Variants in DMD observed in about 807,000 individuals in gnomAD.
The protein encoded by DMD is mutant dystrophin.
DMD carries 63 observed loss-of-function variants against 330.1 expected under a neutral mutation model. The observed-to-expected ratio is 0.19, with a 90% CI of 0.16 to 0.24. DMD has a LOEUF of 0.24. Among genes scored for constraint, DMD ranks in the 10% least tolerant of loss-of-function variants. The probability of loss-of-function intolerance (pLI) is 1.00; values close to 1 mark genes in which losing one functional copy is unlikely to be tolerated. For missense variants in DMD, 3,344 were observed against 2,684.1 expected (o/e 1.25, Z -5.43); for synonymous variants, 1,223 against 959.8 (o/e 1.27, Z -5.07).
At chrX:31,701,733 A>G (rs2083826482) in intron 52 of DMD, among the ~76,000 whole-genome samples, 1 of 112,466 alleles carries the variant, frequency 8.9e-6, no homozygotes, top group South Asian at 3.7e-4. Context: ...AGTGGCTTAC[A>G]CCAGTGCTAC....
At chrX:33,188,440 T>C (rs2050368556) in intron 1 of DMD, among the ~76,000 whole-genome samples, 1 of 110,483 alleles carries the variant, frequency 9.1e-6, no homozygotes, top group Non-Finnish European at 1.9e-5. Context: ...CTATTGTACT[T>C]CCCACAAAGG....
At chrX:32,280,879 T>C (rs148798159) in intron 43 of DMD, among the ~76,000 whole-genome samples, 3 of 112,412 alleles carry the variant, frequency 2.7e-5, no homozygotes, top group Non-Finnish European at 5.6e-5. Context: ...ACAACTGAGA[T>C]AGCAAATTCT....
At chrX:32,783,035 T>C (rs1372860655) in intron 7 of DMD, among the ~76,000 whole-genome samples, 2 of 103,541 alleles carry the variant, frequency 1.9e-5, no homozygotes, top group East Asian at 6.0e-4. Context: ...ATGGTGTGTT[T>C]ATATATATAC....
intron 25 of DMD, among the ~76,000 whole-genome samples, chrX:32,458,295 A>C (rs1281338718): frequency 2.7e-5 from 3 of 111,307 alleles, no homozygotes; most frequent in Non-Finnish European, 5.7e-5. Flanking sequence ...TTAGCATACT[A>C]TCCTCCAAGT....
At chrX:31,826,575 G>C (rs1394500567) in intron 49 of DMD, among the ~76,000 whole-genome samples, 2 of 111,590 alleles carry the variant, frequency 1.8e-5, no homozygotes, top group Non-Finnish European at 3.8e-5. Flanking sequence ...AAATTCATTT[G>C]CATAACAAAA....
At chrX:31,948,677 A>G (rs1213136545) in intron 45 of DMD, among the ~76,000 whole-genome samples, 1 of 111,109 alleles carries the variant, frequency 9.0e-6, no homozygotes, top group African/African-American at 3.3e-5. Flanking sequence ...GGCCATTTCT[A>G]TGTCTTCTTT....
At chrX:31,499,006 G>A (rs1270582381) in intron 56 of DMD, among the ~76,000 whole-genome samples, 1 of 111,739 alleles carries the variant, frequency 8.9e-6, no homozygotes, top group Non-Finnish European at 1.9e-5. Context: ...ATGTGTAATG[G>A]TTAAACGAAT....
intron 76 of DMD, 134 bp downstream of exon 76, chrX:31,146,157 C>T (rs1359387565): frequency 1.2e-5 from 9 of 776,087 alleles, no homozygotes; most frequent in South Asian, 2.2e-5. Context: ...AGACTTTTTT[C>T]GCCTGGTATA....
chrX:31,629,967 A>C (rs1428997863), intron 54 of DMD, among the ~76,000 whole-genome samples: 1 of 112,327 alleles, frequency 8.9e-6, no homozygotes, highest in African/African-American at 3.2e-5. Context: ...AAAAATATGA[A>C]ATTCTCCCAT....
At chrX:32,643,905 CAT>C (rs1338750685) in intron 11 of DMD, among the ~76,000 whole-genome samples, 1 of 111,740 alleles carries the variant, frequency 8.9e-6, no homozygotes, top group African/African-American at 3.2e-5. Context: ...AATCTTAAAA[CAT>C]AGTTCTGTAG....
chrX:31,889,757 T>A (rs1210416787), intron 47 of DMD, among the ~76,000 whole-genome samples: 1 of 108,052 alleles, frequency 9.3e-6, no homozygotes, highest in Non-Finnish European at 1.9e-5. Context: ...AGCCGTACTC[T>A]AAACAAAGGC....
chrX:32,891,000 C>T (rs900436492), intron 2 of DMD, among the ~76,000 whole-genome samples: 8 of 111,941 alleles, frequency 7.1e-5, no homozygotes, highest in African/African-American at 1.6e-4. Context: ...TTTTCACTAA[C>T]GTAAAATGTC....
At chrX:31,480,333 T>C (rs2149262050) in intron 57 of DMD, among the ~76,000 whole-genome samples, 1 of 111,813 alleles carries the variant, frequency 8.9e-6, no homozygotes, top group East Asian at 2.8e-4. Flanking sequence ...AAATGATTCA[T>C]CATCCACAGC....
intron 2 of DMD, among the ~76,000 whole-genome samples, chrX:32,916,733 A>C (rs1484730326): frequency 9.0e-6 from 1 of 111,554 alleles, no homozygotes; most frequent in East Asian, 2.8e-4. Flanking sequence ...TGGACATGTG[A>C]TCTTTGTTTT....
rs1557019832 is a variant in DMD at position 32,777,277 on chromosome X, T to TGGGGGTGGGGGGGGGTTGG, written c.649+32215_649+32216insCCAACCCCCCCCCACCCCC. Among the ~76,000 whole-genome samples, 2 of 2,111 alleles carry TGGGGGTGGGGGGGGGTTGG rather than the reference T, an allele frequency of 9.5e-4. 1 individual carries two copies. The allele number at this position is 2,111 out of a possible 115,157, so 1.8% of individuals were successfully genotyped here. A position where few individuals can be genotyped will look rare whatever the true frequency, so the allele number is the denominator to read the frequency against. On this transcript the variant is annotated intron_variant, in intron 7 of 78. Coordinates refer to ENST00000357033, the MANE Select transcript of DMD (RefSeq NM_004006.3). Reference sequence around the variant, plus strand: ...CTAGTTTTTAAGTTTGGTTTCTGGTTGGGGGGGGAATCCTACCAAGCTAGG... The same window carrying TGGGGGTGGGGGGGGGTTGG: ...CTAGTTTTTAAGTTTGGTTTCTGGTTGGGGGTGGGGGGGGGTTGGGGGGGGGGAATCCTACCAAGCTAGG...
chrX:33,101,546 G>T (rs900940790), intron 1 of DMD, among the ~76,000 whole-genome samples: 2 of 111,740 alleles, frequency 1.8e-5, no homozygotes, highest in African/African-American at 6.5e-5. Flanking sequence ...CAGGAGAATC[G>T]CTTGAACCAG....
At chrX:32,846,429 TTC>T (rs1247597498) in intron 3 of DMD, among the ~76,000 whole-genome samples, 1 of 111,130 alleles carries the variant, frequency 9.0e-6, no homozygotes, top group Non-Finnish European at 1.9e-5. Flanking sequence ...CTCCTGGTCT[TTC>T]TCAAGTAGTT....
At chrX:32,508,344 T>A (rs893840628) in intron 18 of DMD, among the ~76,000 whole-genome samples, 5 of 111,897 alleles carry the variant, frequency 4.5e-5, no homozygotes, top group Admixed American at 1.9e-4. Context: ...CAAGTATGCC[T>A]TGAAGAGTGT....
At position 32,809,554 on chromosome X, in the gene DMD, C is replaced by T. The variant is rs762842636; in HGVS notation, c.588G>A (p.Leu196=). The part of the protein sequence containing the change: ...VVCQQSATQR[L]EHAFNIARYQ... ...ATCTGGCGATGTTGAATGCATGTTC[C>T]AGTCGTTGTGTGGCTGACTGCTGGC... The change falls in exon 7 of 79, where the codon CTG becomes CTA. Residue 196 remains leucine, a synonymous_variant. Transcript: ENST00000357033. The T allele has an allele frequency of 5.0e-6, 6 of 1,211,106 alleles. No homozygotes were observed. In the Admixed American group the frequency reaches 1.1e-4, roughly 22 times the overall value.
Sources: allele counts gnomAD v4.1 joint callset (sites outside exome capture counted in the v4.1 genomes callset), GRCh38; gene constraint gnomAD v4.1.1; transcripts MANE v1.5; gene names NCBI Gene and HGNC (gene_info 2026-07-23, HGNC 2026-07-21).